CHMP1A: variants seen among roughly 807,000 people sequenced by gnomAD.
CHMP1A encodes charged multivesicular body protein 1A.
Under a neutral mutation model 27.0 loss-of-function variants are expected in CHMP1A, and 17 were observed. That is an observed-to-expected ratio of 0.63 (90% CI 0.43 to 0.95). CHMP1A has a LOEUF of 0.95. Among genes scored for constraint, CHMP1A ranks in the 40% least tolerant of loss-of-function variants. The pLI, the probability that CHMP1A is intolerant of heterozygous loss-of-function variation, is 0.00. For synonymous variants in CHMP1A, 131 were observed against 107.5 expected (o/e 1.22, Z -1.35); for missense variants, 275 against 264.0 (o/e 1.04, Z -0.29).
Position 89,657,612 on chromosome 16 carries a change from T to C in CHMP1A, c.-24A>G, listed in dbSNP as rs199915897. The C allele has an allele frequency of 3.1e-6, 5 of 1,610,574 alleles. No individual in the cohort carries two copies. The highest frequency in any genetic ancestry group is 8.5e-7 in the Non-Finnish European group (1 of 1,179,094). On this transcript the variant is annotated 5_prime_UTR_variant, in exon 1 of 7. Coordinates refer to ENST00000397901, the MANE Select transcript of CHMP1A (RefSeq NM_002768.5). ...ATGGCCACAATGACAGGAGCAGCAC[T>C]CGGAGAGGGAGAAGGGACGCCAACT...
chr16:89,652,647 C>G (rs2059834414), intron 2 of CHMP1A, among the ~76,000 whole-genome samples: 1 of 152,274 alleles, frequency 6.6e-6, no homozygotes, highest in African/African-American at 2.4e-5. Flanking sequence ...CCAGGTAGCC[C>G]TGGCCACCAC....
chr16:89,649,244 T>G, intron 4 of CHMP1A, 107 bp downstream of exon 4: 1 of 1,262,410 alleles, frequency 7.9e-7, no homozygotes, highest in Non-Finnish European at 1.1e-6. Context: ...CACCCCGCGC[T>G]GATCCACCTT....
At chr16:89,652,402 G>T (rs1350818643) in intron 2 of CHMP1A, among the ~76,000 whole-genome samples, 1 of 150,036 alleles carries the variant, frequency 6.7e-6, no homozygotes, top group African/African-American at 2.4e-5. Flanking sequence ...CAGACGCCCT[G>T]GTACCAGGTA....
intron 2 of CHMP1A, among the ~76,000 whole-genome samples, chr16:89,653,020 C>CTTTTTTT (rs746886149): frequency 6.1e-5 from 5 of 82,198 alleles, no homozygotes; most frequent in South Asian, 4.7e-4. Flanking sequence ...TTTTTCTTTT[C>CTTTTTTT]TTTTTTTTTT....
intron 1 of CHMP1A, among the ~76,000 whole-genome samples, chr16:89,657,072 G>T (rs2059882892): frequency 1.3e-5 from 2 of 150,046 alleles, no homozygotes; most frequent in Non-Finnish European, 3.0e-5. Flanking sequence ...ATCGAGGCCT[G>T]GGGGGAGGGG....
rs111882921 is a variant in CHMP1A, at chr16:89,648,435, C to G, written c.252+916G>C. Among the ~76,000 whole-genome samples the G allele has an allele frequency of 5.5e-3, 726 of 132,590 alleles. 83 individuals are homozygous for G. Among genetic ancestry groups the G allele is most frequent in the Middle Eastern group, 0.019 (5 of 268 alleles). 87.0% of individuals were successfully genotyped at this position (132,590 alleles called of 152,430 possible). ...AGCGCGGGGTCGGTGGAGAAAAGGC[C>G]GCCGACGTGGGGTCTCCAGGACTGC... On this transcript the variant is annotated intron_variant, in intron 4 of 6. Transcript: ENST00000397901.
chr16:89,646,450 A>G (rs1244713022), intron 6 of CHMP1A, 77 bp downstream of exon 6: 4 of 1,419,416 alleles, frequency 2.8e-6, no homozygotes, highest in Non-Finnish European at 3.8e-6. Context: ...TCCAGCCTCT[A>G]ACCCACAACC....
chr16:89,649,521 C>G, intron 3 of CHMP1A, 24 bp from the exon 4 acceptor site: 1 of 1,613,006 alleles, frequency 6.2e-7, no homozygotes, highest in African/African-American at 1.3e-5. Context: ...GGGAAAGCAG[C>G]TGGAAGAGCT....
Position 89,645,207 on chromosome 16 carries a change from AG to A in CHMP1A, c.*858del, listed in dbSNP as rs1435929100. On this transcript the variant is annotated 3_prime_UTR_variant, in exon 7 of 7. Transcript: ENST00000397901. ...GACACAGGCAGCATCGTCATGAAGC[AG>A]GGCCCCAAGGAAAGGTCCTCCGGGA... 1 of 152,472 alleles carries A rather than the reference AG, an allele frequency of 6.6e-6. No individual in the cohort carries two copies. Among genetic ancestry groups the A allele is most frequent in the African/African-American group, 2.4e-5 (1 of 41,476 alleles). 9.4% of individuals were successfully genotyped at this position (152,472 alleles called of 1,614,324 possible).
At chr16:89,653,495 C>A (rs561160360) in intron 2 of CHMP1A, among the ~76,000 whole-genome samples, 2 of 150,704 alleles carry the variant, frequency 1.3e-5, no homozygotes, top group Non-Finnish European at 3.0e-5. Context: ...TGGTGGTGGG[C>A]GCCTGTAGTC....
chr16:89,653,314 T>A (rs926222353), intron 2 of CHMP1A, among the ~76,000 whole-genome samples: 86 of 141,454 alleles, frequency 6.1e-4, no homozygotes, highest in African/African-American at 2.0e-3. Flanking sequence ...TGGCCCCAAG[T>A]TGTCTTTCTT....
intron 3 of CHMP1A, among the ~76,000 whole-genome samples, chr16:89,651,087 T>A (rs180862782): frequency 6.6e-6 from 1 of 151,836 alleles, no homozygotes; most frequent in African/African-American, 2.4e-5. Flanking sequence ...GAAATCATAG[T>A]GAGGATTAGG....
chr16:89,647,141 A>C, intron 5 of CHMP1A, 62 bp downstream of exon 5: 1 of 1,583,082 alleles, frequency 6.3e-7, no homozygotes, highest in African/African-American at 1.3e-5. Context: ...ACCCCTCCCG[A>C]TGAGCTGCCC....
chr16:89,651,602 C>T lies in CHMP1A; in HGVS notation c.72G>A (p.Lys24=). ...QLEKLAKKAE[K]DSKAEQAKVK... ...CTTTGGCCTGCTCCGCCTTGGAGTC[C>T]TTCTCCGCCTTCTTGGCCAGCTTCT... Residue 24 remains lysine, a synonymous_variant, in exon 3 of 7, where the codon AAG becomes AAA. Transcript: ENST00000397901. The T allele has an allele frequency of 6.2e-7, 1 of 1,613,764 alleles. No homozygotes were observed. Among genetic ancestry groups the T allele is most frequent in the Non-Finnish European group, 8.5e-7 (1 of 1,179,842 alleles).
rs888996270 is a variant in CHMP1A at position 89,651,460 on chromosome 16, C to A, written c.105+109G>T. 31 of 811,486 alleles carry A rather than the reference C, an allele frequency of 3.8e-5. No individual in the cohort carries two copies. The East Asian group carries it at 6.6e-4, about 17-fold the overall frequency. The allele number at this position is 811,486 out of a possible 1,614,324, so 50.3% of individuals were successfully genotyped here. On this transcript the variant is annotated intron_variant, in intron 3 of 6. Coordinates refer to ENST00000397901, the MANE Select transcript of CHMP1A (RefSeq NM_002768.5). ...ATTAAATCATGATGTAGAAAGTGCC[C>A]TGCCCCTCCCCAAAAGGCATCAAAA...
chr16:89,656,179 C>A (rs1448080429), intron 1 of CHMP1A, among the ~76,000 whole-genome samples: 1 of 152,228 alleles, frequency 6.6e-6, no homozygotes, highest in African/African-American at 2.4e-5. Flanking sequence ...CTCTGTCGCC[C>A]AGGCTGGAGT....
intron 3 of CHMP1A, chr16:89,649,726 C>T: frequency 6.0e-6 from 3 of 502,456 alleles, no homozygotes; most frequent in Non-Finnish European, 1.0e-5. Context: ...CAGGCGCCCG[C>T]CACCATGCCT....
intron 1 of CHMP1A, among the ~76,000 whole-genome samples, chr16:89,656,527 T>C (rs747021995): frequency 1.3e-5 from 2 of 152,232 alleles, no homozygotes; most frequent in African/African-American, 2.4e-5. Flanking sequence ...ATTCTTCCTG[T>C]TCTTTGGTAT....
At chr16:89,646,919 T>G in intron 5 of CHMP1A, 1 of 553,396 alleles carries the variant, frequency 1.8e-6, no homozygotes, top group Non-Finnish European at 3.0e-6. Context: ...GACTGTGCCA[T>G]GCCTGCTGCC....
Sources: allele counts gnomAD v4.1 joint callset (sites outside exome capture counted in the v4.1 genomes callset), GRCh38; gene constraint gnomAD v4.1.1; transcripts MANE v1.5; gene names NCBI Gene and HGNC (gene_info 2026-07-23, HGNC 2026-07-21).